The following PPM1E variants were observed in gnomAD, a reference collection of about 807,000 sequenced individuals.
PPM1E encodes the protein protein phosphatase 1E.
Under a neutral mutation model 65.9 loss-of-function variants are expected in PPM1E, and 20 were observed. The ratio of observed to expected loss-of-function variants is 0.30; its 90% confidence interval spans 0.21 to 0.44. The LOEUF is 0.44. PPM1E is among the 20% of genes least tolerant of loss of function. The pLI is 1.00. For synonymous variants in PPM1E, 352 were observed against 374.9 expected (o/e 0.94, Z 0.70); for missense variants, 713 against 953.1 (o/e 0.75, Z 3.32).
At chr17:58,953,746 CT>C (rs71145508) in intron 1 of PPM1E, among the ~76,000 whole-genome samples, 30 of 138,156 alleles carry the variant, frequency 2.2e-4, no homozygotes, top group Admixed American at 2.9e-4. Flanking sequence ...ATATTTCCAT[CT>C]TTTTTTTTTT....
intron 1 of PPM1E, among the ~76,000 whole-genome samples, chr17:58,823,401 G>C (rs1039330914): frequency 6.6e-6 from 1 of 152,122 alleles, no homozygotes; most frequent in African/African-American, 2.4e-5. Flanking sequence ...TGATAACGCT[G>C]TTCTCTGAAA....
At chr17:58,779,210 T>C (rs2144202691) in intron 1 of PPM1E, among the ~76,000 whole-genome samples, 1 of 149,458 alleles carries the variant, frequency 6.7e-6, no homozygotes, top group Admixed American at 6.7e-5. Context: ...AGTTTTGCTC[T>C]TGTTGCCCAA....
chr17:58,868,929 G>A (rs1448080854), intron 1 of PPM1E, among the ~76,000 whole-genome samples: 1 of 152,184 alleles, frequency 6.6e-6, no homozygotes, highest in South Asian at 2.1e-4. Flanking sequence ...CACTTTGGGA[G>A]GCCAAGGTGG....
At chr17:58,938,726 C>T (rs1000363458) in intron 1 of PPM1E, among the ~76,000 whole-genome samples, 2 of 150,902 alleles carry the variant, frequency 1.3e-5, no homozygotes, top group Non-Finnish European at 2.9e-5. Flanking sequence ...CAGTACTTAT[C>T]TAGAGCATAA....
At chr17:58,763,695 C>G (rs1296487385) in intron 1 of PPM1E, among the ~76,000 whole-genome samples, 1 of 152,088 alleles carries the variant, frequency 6.6e-6, no homozygotes, top group Non-Finnish European at 1.5e-5. Context: ...TCCAGCAGTA[C>G]TGTATGAGGA....
intron 1 of PPM1E, among the ~76,000 whole-genome samples, chr17:58,914,344 A>G (rs2049493630): frequency 1.3e-5 from 2 of 152,134 alleles, no homozygotes; most frequent in South Asian, 4.1e-4. Flanking sequence ...CTAGGATCCA[A>G]TCCAGGATAC....
intron 1 of PPM1E, among the ~76,000 whole-genome samples, chr17:58,921,768 C>T (rs1241332679): frequency 4.0e-5 from 6 of 149,590 alleles, no homozygotes; most frequent in African/African-American, 4.9e-5. Flanking sequence ...TGGCCGGGCA[C>T]GGTGGTTCAT....
chr17:58,895,197 G>A (rs1384685742), intron 1 of PPM1E, among the ~76,000 whole-genome samples: 1 of 152,106 alleles, frequency 6.6e-6, no homozygotes, highest in Non-Finnish European at 1.5e-5. Context: ...AATATTGTGT[G>A]TTCTGACTGT....
chr17:58,878,467 C>G (rs2051152535), intron 1 of PPM1E, among the ~76,000 whole-genome samples: 1 of 151,704 alleles, frequency 6.6e-6, no homozygotes, highest in Non-Finnish European at 1.5e-5. Flanking sequence ...TGGTCTTGAA[C>G]TCCTGACCTC....
chr17:58,812,968 C>G (rs1318569833), intron 1 of PPM1E, among the ~76,000 whole-genome samples: 1 of 152,192 alleles, frequency 6.6e-6, no homozygotes, highest in Non-Finnish European at 1.5e-5. Flanking sequence ...TCCCTTCAAT[C>G]TCTGTGGCTC....
chr17:58,878,935 C>T (rs1295740141), intron 1 of PPM1E, among the ~76,000 whole-genome samples: 1 of 151,668 alleles, frequency 6.6e-6, no homozygotes, highest in African/African-American at 2.4e-5. Flanking sequence ...AGAAAACTAA[C>T]TTTTGCTCTT....
At chr17:58,839,955 G>A (rs1026779669) in intron 1 of PPM1E, among the ~76,000 whole-genome samples, 1 of 152,040 alleles carries the variant, frequency 6.6e-6, no homozygotes, top group African/African-American at 2.4e-5. Context: ...TAAGTTTAGG[G>A]GTCCCCAAGA....
rs190252754 is a variant in PPM1E, at chr17:58,984,287, C to G, written c.*3256C>G. On this transcript the variant is annotated 3_prime_UTR_variant, in exon 7 of 7. Transcript: ENST00000308249. ...ACTGCATTTTCATGACAACCACACT[C>G]CACTGTTGAAACACTGTGCCAGTGA... 6.5e-6 allele frequency: 1 copy of G among 152,698 alleles called. No homozygotes were observed. Among genetic ancestry groups the G allele is most frequent in the African/African-American group, 2.4e-5 (1 of 41,544 alleles). The allele number at this position is 152,698 out of a possible 1,614,324, so 9.5% of individuals were successfully genotyped here. A position where few individuals can be genotyped will look rare whatever the true frequency, so the allele number is the denominator to read the frequency against.
chr17:58,778,397 G>A (rs773783996), intron 1 of PPM1E, among the ~76,000 whole-genome samples: 1 of 146,172 alleles, frequency 6.8e-6, no homozygotes, highest in African/African-American at 2.5e-5. Context: ...ACTGTGGCTG[G>A]CCATCTTTTT....
intron 1 of PPM1E, among the ~76,000 whole-genome samples, chr17:58,890,408 G>GA (rs777161279): frequency 2.2e-4 from 34 of 152,258 alleles, no homozygotes; most frequent in Admixed American, 7.8e-4. Flanking sequence ...AAGAGACTGA[G>GA]AAAAGGACGC....
chr17:58,769,386 C>T (rs1041707478), intron 1 of PPM1E, among the ~76,000 whole-genome samples: 1 of 151,954 alleles, frequency 6.6e-6, no homozygotes, highest in African/African-American at 2.4e-5. Flanking sequence ...CTTGAGCTCC[C>T]AAGTTTGAGA....
Position 58,982,490 on chromosome 17 carries a change from G to T in PPM1E, c.*1459G>T. ...AGGGTGAGTGCTCTCGCTAAGAAGT[G>T]TCCCCCGCCTAATCATGTGTTTATA... On this transcript the variant is annotated 3_prime_UTR_variant, in exon 7 of 7. Transcript: ENST00000308249. The T allele has an allele frequency of 6.1e-6, 1 of 163,194 alleles. No individual in the cohort carries two copies. The highest frequency in any genetic ancestry group is 1.3e-5 in the Non-Finnish European group (1 of 74,776). 10.1% of individuals were successfully genotyped at this position (163,194 alleles called of 1,614,324 possible).
intron 6 of PPM1E, among the ~76,000 whole-genome samples, chr17:58,973,641 C>G (rs539880473): frequency 2.5e-4 from 37 of 150,838 alleles, no homozygotes; most frequent in African/African-American, 8.0e-4. Flanking sequence ...GACTTCATCT[C>G]TTAAAAAAAC....
At chr17:58,905,342 C>G (rs1346799095) in intron 1 of PPM1E, among the ~76,000 whole-genome samples, 2 of 152,106 alleles carry the variant, frequency 1.3e-5, no homozygotes, top group Non-Finnish European at 2.9e-5. Flanking sequence ...AGCTGTAAGT[C>G]TTTTATAGAT....
Sources: allele counts gnomAD v4.1 joint callset (sites outside exome capture counted in the v4.1 genomes callset), GRCh38; gene constraint gnomAD v4.1.1; transcripts MANE v1.5; gene names NCBI Gene and HGNC (gene_info 2026-07-23, HGNC 2026-07-21).